Variants in SHISA9 observed in about 807,000 individuals in gnomAD.
The protein encoded by SHISA9 is shisa family member 9, also known as protein shisa-9.
Under a neutral mutation model 38.0 loss-of-function variants are expected in SHISA9, and 13 were observed. The ratio of observed to expected loss-of-function variants is 0.34; its 90% CI spans 0.22 to 0.54. The LOEUF is 0.54. Among genes scored for constraint, SHISA9 ranks in the 20% least tolerant of loss-of-function variants. SHISA9 has a pLI of 0.91. For missense variants in SHISA9, 538 were observed against 575.8 expected, an observed-to-expected ratio of 0.93 and a Z score of 0.67; for synonymous variants, 275 against 242.0, an observed-to-expected ratio of 1.14 and a Z score of -1.27.
chr16:13,067,691 T>A (rs1246861017), intron 2 of SHISA9, among the ~76,000 whole-genome samples: 1 of 151,938 alleles, frequency 6.6e-6, no homozygotes, highest in African/African-American at 2.4e-5. Context: ...CAGGGGAGAG[T>A]GTAACTCAGT....
At chr16:12,909,856 T>TTCCTTCCTTCCC in intron 1 of SHISA9, 1 of 148,254 alleles carries the variant, frequency 6.7e-6, no homozygotes, top group Non-Finnish European at 1.5e-5. Flanking sequence ...CCTTCCTTCC[T>TTCCTTCCTTCCC]TCCTTCCTTC....
chr16:13,182,520 T>G (rs928971), intron 2 of SHISA9, among the ~76,000 whole-genome samples: 31,123 of 152,254 alleles, frequency 0.2, 3,530 homozygotes, highest in East Asian at 0.37. Context: ...ATTTTTCCTC[T>G]GATGGCCTCA....
the SHISA9 span, among the ~76,000 whole-genome samples, chr16:13,336,252 A>T: frequency 1.3e-5 from 2 of 152,198 alleles, no homozygotes; most frequent in Admixed American, 6.5e-5. Flanking sequence ...CTCTGTGTTA[A>T]AAAGAGTTTA....
chr16:13,545,899 G>T, the SHISA9 span, among the ~76,000 whole-genome samples: 1 of 152,152 alleles, frequency 6.6e-6, no homozygotes, highest in Non-Finnish European at 1.5e-5. Flanking sequence ...GACATAAGCT[G>T]GGCCAGTTAG....
chr16:13,279,860 C>A, the SHISA9 span, among the ~76,000 whole-genome samples: 2 of 151,850 alleles, frequency 1.3e-5, no homozygotes, highest in Non-Finnish European at 2.9e-5. Flanking sequence ...TGTAATGTCA[C>A]TCCAGTAATG....
Position 13,235,078 on chromosome 16 carries a change from A to C in SHISA9, c.944A>C (p.Glu315Ala). 6.4e-7 allele frequency: 1 copy of C among 1,551,372 alleles called. No individual in the cohort carries two copies. The highest frequency in any genetic ancestry group is 8.7e-7 in the Non-Finnish European group (1 of 1,146,940). Residue 315 changes from glutamate (E) to alanine (A), a missense_variant, in exon 5 of 5, where the codon GAG (glutamate) becomes GCG (alanine). Transcript: ENST00000558583. ...DFYTKRRHLA[E>A]LAAKGNLPLH... ...TACACCAAGCGACGGCACCTGGCTG[A>C]GCTGGCTGCCAAGGGGAACTTACCT...
chr16:13,486,933 A>C, the SHISA9 span, among the ~76,000 whole-genome samples: 1 of 152,268 alleles, frequency 6.6e-6, no homozygotes, highest in Admixed American at 6.5e-5. Context: ...TGAACTCCCG[A>C]CCTCAGGTGA....
chr16:12,933,699 T>G (rs1394830542), intron 2 of SHISA9, among the ~76,000 whole-genome samples: 1 of 152,182 alleles, frequency 6.6e-6, no homozygotes, highest in Non-Finnish European at 1.5e-5. Flanking sequence ...CTGTTGAAAA[T>G]GGGGCACATT....
chr16:13,100,512 T>C (rs2073867895), intron 2 of SHISA9, among the ~76,000 whole-genome samples: 1 of 152,142 alleles, frequency 6.6e-6, no homozygotes, highest in Non-Finnish European at 1.5e-5. Flanking sequence ...TTGCTCCTAT[T>C]ACCTTGTGGG....
the SHISA9 span, among the ~76,000 whole-genome samples, chr16:13,256,222 T>G: frequency 1.3e-5 from 2 of 152,208 alleles, no homozygotes; most frequent in East Asian, 3.9e-4. Context: ...ATTAGGTGCT[T>G]CTTCTCATGG....
intron 2 of SHISA9, among the ~76,000 whole-genome samples, chr16:13,146,925 G>C (rs2050452311): frequency 6.6e-6 from 1 of 152,160 alleles, no homozygotes; most frequent in Admixed American, 6.5e-5. Flanking sequence ...CTTTATAAAG[G>C]AAAGAAGCAT....
chr16:12,911,387 T>C, intron 1 of SHISA9: 1 of 985,438 alleles, frequency 1.0e-6, no homozygotes. Context: ...CACATTCCTG[T>C]CTATAAAATG....
intron 2 of SHISA9, among the ~76,000 whole-genome samples, chr16:12,925,447 ATGTG>A (rs1555500777): frequency 2.8e-3 from 183 of 66,278 alleles, no homozygotes; most frequent in Non-Finnish European, 5.2e-3. Flanking sequence ...GTGTGTGTGT[ATGTG>A]TGTGTGTGTG....
chr16:13,389,602 C>T, the SHISA9 span, among the ~76,000 whole-genome samples: 12 of 152,220 alleles, frequency 7.9e-5, no homozygotes, highest in East Asian at 1.2e-3. Flanking sequence ...TAAATTAGGG[C>T]TCCATTTTAC....
chr16:13,335,913 A>G, the SHISA9 span, among the ~76,000 whole-genome samples: 1 of 152,222 alleles, frequency 6.6e-6, no homozygotes, highest in Non-Finnish European at 1.5e-5. Context: ...AGATAAATAC[A>G]GCCTTTGTTG....
chr16:13,260,113 T>C, the SHISA9 span, among the ~76,000 whole-genome samples: 1 of 140,254 alleles, frequency 7.1e-6, no homozygotes, highest in Admixed American at 7.8e-5. Flanking sequence ...ACCTCCTGGG[T>C]TCATGCCATT....
the SHISA9 span, among the ~76,000 whole-genome samples, chr16:13,328,613 CACACACACACACACACACACACAT>C: frequency 6.9e-6 from 1 of 144,706 alleles, no homozygotes; most frequent in Non-Finnish European, 1.5e-5. Context: ...CACACACACA[CACACACACACACACACACACACAT>C]ATATATTGTA....
intron 1 of SHISA9, among the ~76,000 whole-genome samples, chr16:12,913,415 T>C (rs2071212439): frequency 6.6e-6 from 1 of 152,214 alleles, no homozygotes; most frequent in Non-Finnish European, 1.5e-5. Context: ...CAGGCTGGTC[T>C]TGAAATCCTG....
chr16:13,139,398 C>CTTCCTTCCTTCCTTCT (rs749879389), intron 2 of SHISA9, among the ~76,000 whole-genome samples: 17,066 of 99,062 alleles, frequency 0.17, 1,404 homozygotes, highest in African/African-American at 0.24. Flanking sequence ...TCCTTCTTTC[C>CTTCCTTCCTTCCTTCT]TTCCTTCCTT....
Sources: gnomAD v4.1 joint callset for allele counts (sites outside exome capture counted in the v4.1 genomes callset) on GRCh38, gnomAD v4.1.1 for gene constraint, MANE v1.5 for transcripts, NCBI Gene and HGNC (gene_info 2026-07-23, HGNC 2026-07-21) for gene names.